The following DEAF1 variants were observed in gnomAD, a reference collection of about 807,000 sequenced individuals.
DEAF1 encodes deformed epidermal autoregulatory factor 1 homolog.
DEAF1 carries 53 observed loss-of-function variants against 58.9 expected under a neutral mutation model. The ratio of observed to expected loss-of-function variants is 0.90; its 90% CI spans 0.72 to 1.13. The LOEUF (loss-of-function observed/expected upper bound fraction) is 1.13. DEAF1 is among the 50% of genes most tolerant of loss of function. The probability of loss-of-function intolerance (pLI) is 0.00; values close to 1 mark genes in which losing one functional copy is unlikely to be tolerated. For synonymous variants in DEAF1, 385 were observed against 340.4 expected (o/e 1.13, Z -1.44); for missense variants, 685 against 791.4 (o/e 0.87, Z 1.61).
chr11:702,502 A>G (rs1861542331), intron 1 of DEAF1, among the ~76,000 whole-genome samples: 1 of 152,172 alleles, frequency 6.6e-6, no homozygotes. Context: ...TTGTTTGCTA[A>G]ATACGCAGTT....
chr11:705,122 C>T (rs1861655993), intron 1 of DEAF1: 1 of 195,136 alleles, frequency 5.1e-6, no homozygotes, highest in African/African-American at 2.3e-5. Flanking sequence ...ACCTATGGCG[C>T]CTCCCCAGGA....
intron 1 of DEAF1, chr11:692,314 C>G (rs1332366722): frequency 6.3e-6 from 1 of 157,950 alleles, no homozygotes; most frequent in Non-Finnish European, 1.4e-5. Context: ...CAGCTCCAGC[C>G]TCTACATGCT....
Position 695,123 on chromosome 11 carries a change from C to T in DEAF1, c.-76G>A, listed in dbSNP as rs1287943855. ...GCCGGTCGCGGAGCCCGAAGCGGGG[C>T]CCGAAGAGGACGCCCGAGCTGGGCC... On this transcript the variant is annotated 5_prime_UTR_variant, in exon 1 of 12. Transcript: ENST00000382409. The T allele has an allele frequency of 1.5e-6, 2 of 1,322,612 alleles. No individual in the cohort carries two copies. Among genetic ancestry groups the T allele is most frequent in the East Asian group, 3.3e-5 (1 of 30,122 alleles). 81.9% of individuals were successfully genotyped at this position (1,322,612 alleles called of 1,614,324 possible).
chr11:698,920 C>T (rs777580914), upstream of DEAF1: 9 of 1,613,824 alleles, frequency 5.6e-6, no homozygotes, highest in South Asian at 7.7e-5. Flanking sequence ...CAGGACAGCA[C>T]CCAGAGGCCC....
rs961786311 is a variant in DEAF1 at position 644,845 on chromosome 11, CTT to C, written c.1594-193_1594-192del. 1.3e-5 allele frequency among the ~76,000 whole-genome samples: 2 copies of C among 152,138 alleles called. No individual in the cohort carries two copies. Among genetic ancestry groups the C allele is most frequent in the South Asian group, 2.1e-4 (1 of 4,830 alleles). On this transcript the variant is annotated intron_variant, in intron 11 of 11. Coordinates refer to ENST00000382409, the MANE Select transcript of DEAF1 (RefSeq NM_021008.4). This position sits in a 1 kb window ranked among gnomAD's most constrained non-coding sequence, Gnocchi z 4.3. ...TCCAATACAGCCTTCCCCACACTCT[CTT>C]GGTTTGAGGAATTGGATCAAAAGGC...
intron 11 of DEAF1, among the ~76,000 whole-genome samples, chr11:648,196 C>CTT (rs540249896): frequency 0.19 from 23,991 of 123,232 alleles, 3,195 homozygotes; most frequent in East Asian, 0.25. Flanking sequence ...TTATCACTGC[C>CTT]TTTTTTTTTT....
intron 1 of DEAF1, 179 bp downstream of exon 1, chr11:694,580 G>C: frequency 2.1e-6 from 1 of 482,616 alleles, no homozygotes; most frequent in Non-Finnish European, 3.3e-6. Context: ...GGGGCGGGCG[G>C]GTCACGTGGA....
chr11:676,393 C>A (rs1860082652), intron 9 of DEAF1, among the ~76,000 whole-genome samples: 1 of 146,132 alleles, frequency 6.8e-6, no homozygotes, highest in Non-Finnish European at 1.5e-5. Context: ...GCAGGCAACA[C>A]AGGCAGGAGG....
intron 10 of DEAF1, chr11:654,606 G>A (rs765324239): frequency 1.1e-4 from 48 of 455,174 alleles, no homozygotes; most frequent in Middle Eastern, 6.5e-4. Flanking sequence ...CGGGAGCAGC[G>A]GCTCATACCT....
chr11:679,322 A>T (rs1231028416), intron 8 of DEAF1, among the ~76,000 whole-genome samples: 2 of 152,014 alleles, frequency 1.3e-5, no homozygotes, highest in Non-Finnish European at 2.9e-5. Context: ...CTCAAAAAAA[A>T]AAAAAAATCA....
At chr11:686,717 C>T in intron 5 of DEAF1, 141 bp downstream of exon 5, 1 of 1,146,906 alleles carries the variant, frequency 8.7e-7, no homozygotes, top group Non-Finnish European at 1.3e-6. Flanking sequence ...ATCACTCGCC[C>T]AAGGCCACAC....
At chr11:680,704 G>C (rs1001289125) in intron 7 of DEAF1, among the ~76,000 whole-genome samples, 4 of 152,196 alleles carry the variant, frequency 2.6e-5, no homozygotes, top group African/African-American at 9.7e-5. Flanking sequence ...ACTCAGCCAT[G>C]CTCACTCATA....
At chr11:672,210 G>GT (rs1315303918) in intron 10 of DEAF1, among the ~76,000 whole-genome samples, 1 of 151,518 alleles carries the variant, frequency 6.6e-6, no homozygotes, top group East Asian at 1.9e-4. Flanking sequence ...GGTAGAATCC[G>GT]TAACAAACCC....
chr11:704,119 G>A (rs1367277986), intron 1 of DEAF1: 3 of 1,123,318 alleles, frequency 2.7e-6, no homozygotes, highest in Non-Finnish European at 3.3e-6. Flanking sequence ...AGATGTGTAT[G>A]CCTCCCTGAA....
Position 694,736 on chromosome 11 carries a change from G to A in DEAF1, c.289+23C>T, listed in dbSNP as rs960134917. 24 of 1,291,750 alleles carry A rather than the reference G, an allele frequency of 1.9e-5. No individual in the cohort carries two copies. The Admixed American group carries it at 7.2e-4, about 39-fold the overall frequency. 80.0% of individuals were successfully genotyped at this position (1,291,750 alleles called of 1,614,324 possible). A position where few individuals can be genotyped will look rare whatever the true frequency, so the allele number is the denominator to read the frequency against. On this transcript the variant is annotated intron_variant, in intron 1 of 11. Coordinates refer to ENST00000382409, the MANE Select transcript of DEAF1 (RefSeq NM_021008.4). ...TAGGCGCGCGGGAACCGGACGAGGC[G>A]AGAGGCCGGCGGGCGCACTTGCCTG...
At chr11:662,107 G>C (rs1388803296) in intron 10 of DEAF1, among the ~76,000 whole-genome samples, 1 of 152,128 alleles carries the variant, frequency 6.6e-6, no homozygotes, top group African/African-American at 2.4e-5. Flanking sequence ...GACCAGCCTG[G>C]CCAACATGGC....
upstream of DEAF1, among the ~76,000 whole-genome samples, chr11:696,845 C>G (rs1224336564): frequency 1.3e-5 from 2 of 151,384 alleles, no homozygotes; most frequent in African/African-American, 4.9e-5. Flanking sequence ...TTTGGGAGGC[C>G]AAAGCGGGCG....
chr11:704,061 C>T (rs751851927), intron 1 of DEAF1: 3 of 1,145,340 alleles, frequency 2.6e-6, no homozygotes, highest in African/African-American at 1.6e-5. Flanking sequence ...GGAATAATTA[C>T]ACCCAAATAT....
chr11:681,020 C>T lies in DEAF1; in HGVS notation c.940G>A (p.Val314Met), dbSNP rs373495490. The change falls in exon 7 of 12, where the codon GTG (valine) becomes ATG (methionine). Residue 314 changes from valine (V) to methionine (M), a missense_variant. Val to Met is a conservative substitution (Grantham distance 21). Around this residue, in one of 3 missense-constraint regions of DEAF1, gnomAD observed 343 missense variants for 379.8 expected, o/e 0.90. Coordinates refer to ENST00000382409, the MANE Select transcript of DEAF1 (RefSeq NM_021008.4). ...KKENELPTTP[V>M]KKDSPKNITL... is the part of the protein sequence containing the mutation. Reference sequence around the variant, plus strand: ...ATGTTCTTGGGGGAGTCCTTCTTCACGGGAGTTGTGGGCAGTTCATTCTCC... The same window carrying T: ...ATGTTCTTGGGGGAGTCCTTCTTCATGGGAGTTGTGGGCAGTTCATTCTCC... 1.5e-5 allele frequency: 25 copies of T among 1,613,982 alleles called. No individual in the cohort carries two copies. Among genetic ancestry groups the T allele is most frequent in the South Asian group, 2.2e-5 (2 of 91,078 alleles).
Sources: gnomAD v4.1 joint callset for allele counts (sites outside exome capture counted in the v4.1 genomes callset) on GRCh38, gnomAD v4.1.1 for gene constraint, gnomAD v4.1.1 regional missense constraint, Gnocchi (gnomAD v3.1) non-coding constraint, MANE v1.5 for transcripts, NCBI Gene and HGNC (gene_info 2026-07-23, HGNC 2026-07-21) for gene names.